Variants in HSD17B12 observed in about 807,000 individuals in gnomAD.
HSD17B12 encodes hydroxysteroid 17-beta dehydrogenase 12, also known as very-long-chain 3-oxoacyl-CoA reductase.
In HSD17B12, 32 loss-of-function variants were observed where a neutral mutation model predicts 39.3. The observed-to-expected ratio is 0.81, with a 90% CI of 0.61 to 1.09. HSD17B12 has a LOEUF of 1.09. Among genes scored for constraint, HSD17B12 ranks in the 50% least tolerant of loss-of-function variants. HSD17B12 has a pLI of 0.00. For missense variants in HSD17B12, 342 were observed against 382.9 expected (o/e 0.89, Z 0.89); for synonymous variants, 150 against 146.7 (o/e 1.02, Z -0.16).
the HSD17B12 span, among the ~76,000 whole-genome samples, chr11:43,562,892 G>T: frequency 6.6e-6 from 1 of 152,178 alleles, no homozygotes; most frequent in Non-Finnish European, 1.5e-5. Flanking sequence ...CTCAGTCAAT[G>T]CATAGCACAG....
At chr11:43,647,657 C>T in the HSD17B12 span, among the ~76,000 whole-genome samples, 3 of 151,996 alleles carry the variant, frequency 2.0e-5, no homozygotes, top group South Asian at 2.1e-4. Flanking sequence ...TCACCCATTC[C>T]GAATTTGATC....
chr11:43,769,594 C>G (rs960469322), intron 3 of HSD17B12, among the ~76,000 whole-genome samples: 5 of 152,146 alleles, frequency 3.3e-5, no homozygotes, highest in Admixed American at 2.0e-4. Context: ...TGGTATTAAT[C>G]TAAAATCTCA....
At chr11:43,726,121 T>TA (rs1375341856) in intron 1 of HSD17B12, among the ~76,000 whole-genome samples, 3 of 151,916 alleles carry the variant, frequency 2.0e-5, no homozygotes, top group African/African-American at 7.3e-5. Flanking sequence ...GGCTGACACT[T>TA]ACGTAATGCT....
At chr11:43,818,931 A>G (rs1951155658) in intron 6 of HSD17B12, among the ~76,000 whole-genome samples, 1 of 152,152 alleles carries the variant, frequency 6.6e-6, no homozygotes, top group Non-Finnish European at 1.5e-5. Context: ...TTAGTCTACA[A>G]CGTATATATT....
chr11:43,796,074 T>C (rs186297835), intron 3 of HSD17B12, among the ~76,000 whole-genome samples: 1 of 152,228 alleles, frequency 6.6e-6, no homozygotes, highest in East Asian at 1.9e-4. Flanking sequence ...ATTCTGTATC[T>C]AAACAACTGC....
the HSD17B12 span, among the ~76,000 whole-genome samples, chr11:43,620,702 A>C: frequency 6.6e-6 from 1 of 152,170 alleles, no homozygotes; most frequent in Non-Finnish European, 1.5e-5. Context: ...ATGTTACATA[A>C]ATCAGGCAGG....
At chr11:43,602,872 T>C in the HSD17B12 span, among the ~76,000 whole-genome samples, 1 of 151,880 alleles carries the variant, frequency 6.6e-6, no homozygotes, top group South Asian at 2.1e-4. Context: ...GCAGAAGTGA[T>C]CATTTCCTCT....
At chr11:43,636,932 T>A in the HSD17B12 span, among the ~76,000 whole-genome samples, 1 of 152,190 alleles carries the variant, frequency 6.6e-6, no homozygotes, top group African/African-American at 2.4e-5. Flanking sequence ...AGGCAGTGTG[T>A]ATCATTGTGA....
At chr11:43,758,929 A>C (rs1399182700) in intron 3 of HSD17B12, among the ~76,000 whole-genome samples, 2 of 152,210 alleles carry the variant, frequency 1.3e-5, no homozygotes, top group African/African-American at 4.8e-5. Flanking sequence ...CAAGGACACA[A>C]TCAAACCAGT....
At chr11:43,675,065 G>A in the HSD17B12 span, among the ~76,000 whole-genome samples, 1 of 152,160 alleles carries the variant, frequency 6.6e-6, no homozygotes, top group South Asian at 2.1e-4. Context: ...CATACCAAGT[G>A]TCAGGTACTC....
At chr11:43,680,536 G>C, upstream of HSD17B12, 1 of 446,594 alleles carries the variant, frequency 2.2e-6, no homozygotes, top group South Asian at 2.3e-5. Context: ...GGGGCGCCTC[G>C]GTGGGGTGAG....
intron 6 of HSD17B12, among the ~76,000 whole-genome samples, chr11:43,825,848 C>G (rs1372647651): frequency 6.6e-6 from 1 of 152,156 alleles, no homozygotes; most frequent in Non-Finnish European, 1.5e-5. Context: ...TAGATTGGTA[C>G]TGATGTTGCT....
the HSD17B12 span, among the ~76,000 whole-genome samples, chr11:43,625,888 A>G: frequency 6.6e-6 from 1 of 151,556 alleles, no homozygotes; most frequent in Non-Finnish European, 1.5e-5. Flanking sequence ...TTTAATATGA[A>G]GTATTTTTAA....
the HSD17B12 span, among the ~76,000 whole-genome samples, chr11:43,634,143 T>C: frequency 6.8e-6 from 1 of 146,244 alleles, no homozygotes; most frequent in South Asian, 2.2e-4. Flanking sequence ...TTAAGATACT[T>C]TAGCATTTCT....
chr11:43,668,564 A>G, the HSD17B12 span, among the ~76,000 whole-genome samples: 2 of 152,228 alleles, frequency 1.3e-5, no homozygotes, highest in Admixed American at 6.5e-5. Flanking sequence ...GTGTAAAGAT[A>G]AATATGTAAT....
At position 43,763,611 on chromosome 11, in the gene HSD17B12, T is replaced by TTATA. The variant is rs34924658; in HGVS notation, c.283+9502_283+9505dup. Among the ~76,000 whole-genome samples, 299 of 145,648 alleles carry TTATA rather than the reference T, an allele frequency of 2.1e-3. 3 individuals are homozygous for TTATA. The highest frequency in any genetic ancestry group is 7.0e-3 in the African/African-American group (280 of 40,160). The stretch of plus-strand genomic sequence containing the variant: ...TTATATATATATATATAAGGTTATC[T>TTATA]TATATATATATATATCTTATCTACA... On this transcript the variant is annotated intron_variant, in intron 3 of 10. Coordinates refer to ENST00000278353, the MANE Select transcript of HSD17B12 (RefSeq NM_016142.3).
the HSD17B12 span, among the ~76,000 whole-genome samples, chr11:43,603,423 C>T: frequency 2.0e-5 from 3 of 152,032 alleles, no homozygotes. Flanking sequence ...TTTCCAAGCA[C>T]TTTGCCTGGT....
intron 3 of HSD17B12, among the ~76,000 whole-genome samples, chr11:43,794,128 A>G (rs1590305823): frequency 6.6e-6 from 1 of 152,180 alleles, no homozygotes; most frequent in African/African-American, 2.4e-5. Context: ...AATTATTTTC[A>G]TCTGAAAATA....
At chr11:43,598,839 ATGTACCTG>A in the HSD17B12 span, among the ~76,000 whole-genome samples, 1 of 152,140 alleles carries the variant, frequency 6.6e-6, no homozygotes, top group South Asian at 2.1e-4. Context: ...CCAGCCATAT[ATGTACCTG>A]TGTGGGGGTG....
Sources: gnomAD v4.1 joint callset for allele counts (sites outside exome capture counted in the v4.1 genomes callset) on GRCh38, gnomAD v4.1.1 for gene constraint, MANE v1.5 for transcripts, NCBI Gene and HGNC (gene_info 2026-07-23, HGNC 2026-07-21) for gene names.